The following ADAMTS14 variants were observed in gnomAD, a reference collection of about 807,000 sequenced individuals.
The protein encoded by ADAMTS14 is ADAM metallopeptidase with thrombospondin type 1 motif 14, also known as A disintegrin and metalloproteinase with thrombospondin motifs 14.
In ADAMTS14, 100 loss-of-function variants were observed where a neutral mutation model predicts 128.6. The observed-to-expected ratio is 0.78, with a 90% CI of 0.66 to 0.92. The LOEUF is 0.92. Ranked by LOEUF, ADAMTS14 falls within the 40% of genes least tolerant of loss-of-function variation. The pLI, the probability that ADAMTS14 is intolerant of heterozygous loss-of-function variation, is 0.00. For missense variants in ADAMTS14, 1,562 were observed against 1,658.6 expected, an observed-to-expected ratio of 0.94 and a Z score of 1.01; for synonymous variants, 665 against 653.8, an observed-to-expected ratio of 1.02 and a Z score of -0.26.
At chr10:70,755,511 A>T (rs1359143337) in intron 19 of ADAMTS14, among the ~76,000 whole-genome samples, 1 of 152,152 alleles carries the variant, frequency 6.6e-6, no homozygotes, top group Non-Finnish European at 1.5e-5. Context: ...TTGTACAACA[A>T]TGGGAATGTG....
Position 70,761,208 on chromosome 10 carries a change from T to C in ADAMTS14, c.*355T>C. The C allele has an allele frequency of 4.8e-6, 1 of 209,860 alleles. No homozygotes were observed. Among genetic ancestry groups the C allele is most frequent in the Non-Finnish European group, 9.5e-6 (1 of 104,806 alleles). The allele number at this position is 209,860 out of a possible 1,614,324, so 13.0% of individuals were successfully genotyped here. A position where few individuals can be genotyped will look rare whatever the true frequency, so the allele number is the denominator to read the frequency against. On this transcript the variant is annotated 3_prime_UTR_variant, in exon 22 of 22. Transcript: ENST00000373207. The stretch of plus-strand genomic sequence containing the variant: ...CCGGCTGGTCTGTAGCTAGAAGCTG[T>C]CAGGGCTGCCTGCCTTCCCGGAACT...
At chr10:70,743,428 G>A in intron 12 of ADAMTS14, 120 bp from the exon 13 acceptor site, 1 of 1,249,150 alleles carries the variant, frequency 8.0e-7, no homozygotes, top group Non-Finnish European at 1.1e-6. Context: ...GCCACACCCA[G>A]TGCTCCCCCA....
At chr10:70,676,704 C>T (rs893686898) in intron 2 of ADAMTS14, among the ~76,000 whole-genome samples, 1 of 152,258 alleles carries the variant, frequency 6.6e-6, no homozygotes, top group Non-Finnish European at 1.5e-5. Context: ...CCCACTCTGG[C>T]TCTGCGGCTC....
intron 2 of ADAMTS14, among the ~76,000 whole-genome samples, chr10:70,699,652 T>C (rs575611486): frequency 6.6e-6 from 1 of 152,192 alleles, no homozygotes; most frequent in Non-Finnish European, 1.5e-5. Flanking sequence ...TTCTGGAAAC[T>C]GTATCCCTCA....
intron 4 of ADAMTS14, among the ~76,000 whole-genome samples, chr10:70,712,092 A>G (rs2132623034): frequency 6.6e-6 from 1 of 152,250 alleles, no homozygotes; most frequent in South Asian, 2.1e-4. Context: ...ATGAATCTGA[A>G]CACACCCACC....
intron 16 of ADAMTS14, 26 bp downstream of exon 16, chr10:70,750,011 A>C (rs2132735829): frequency 6.2e-7 from 1 of 1,606,192 alleles, no homozygotes. Context: ...TGCGGTGGCA[A>C]CCCCTGCCCA....
At chr10:70,691,241 C>G in intron 2 of ADAMTS14, among the ~76,000 whole-genome samples, 1 of 143,670 alleles carries the variant, frequency 7.0e-6, no homozygotes, top group East Asian at 2.0e-4. Flanking sequence ...CACCTGTAAT[C>G]CTAGCACTTT....
chr10:70,760,342 C>T lies in ADAMTS14; in HGVS notation c.3179-18C>T, dbSNP rs759246129. The stretch of plus-strand genomic sequence containing the variant: ...TCCCCACGTTGCTTCCATCCTTGTC[C>T]TTGTGCTGTGTGTGCAGCGGAGCCC... On this transcript the variant is annotated intron_variant, in intron 21 of 21. Coordinates refer to ENST00000373207, the MANE Select transcript of ADAMTS14 (RefSeq NM_080722.4). The T allele has an allele frequency of 6.5e-7, 1 of 1,531,718 alleles. No individual in the cohort carries two copies. The highest frequency in any genetic ancestry group is 8.8e-7 in the Non-Finnish European group (1 of 1,140,112). The allele number at this position is 1,531,718 out of a possible 1,614,324, so 94.9% of individuals were successfully genotyped here.
intron 4 of ADAMTS14, among the ~76,000 whole-genome samples, chr10:70,722,664 CCCCAAA>C (rs1408667214): frequency 2.0e-5 from 3 of 152,156 alleles, no homozygotes; most frequent in African/African-American, 7.2e-5. Context: ...TACCCCAAAT[CCCCAAA>C]CCATGGGGGT....
intron 2 of ADAMTS14, among the ~76,000 whole-genome samples, chr10:70,688,942 T>G: frequency 7.1e-6 from 1 of 140,778 alleles, no homozygotes; most frequent in South Asian, 2.4e-4. Context: ...ATTTACACCT[T>G]TGGTCTGTCC....
chr10:70,715,438 TCAGCGAGGCCCCTTC>T lies in ADAMTS14; in HGVS notation c.870+6664_870+6678del, dbSNP rs1841007978. Among the ~76,000 whole-genome samples the T allele has an allele frequency of 2.0e-5, 3 of 152,208 alleles. No homozygotes were observed. The South Asian group carries it at 6.2e-4, about 32-fold the overall frequency. On this transcript the variant is annotated intron_variant, in intron 4 of 21. Transcript: ENST00000373207. ...CATGGTTTCTGGGCACTGTGTGCCC[TCAGCGAGGCCCCTTC>T]CAGACCCACTGAGTGGCCTGGTCTG...
Position 70,672,787 on chromosome 10 carries a change from G to C in ADAMTS14, c.-16G>C. The C allele has an allele frequency of 6.7e-7, 1 of 1,498,496 alleles. No individual in the cohort carries two copies. Among genetic ancestry groups the C allele is most frequent in the Non-Finnish European group, 8.9e-7 (1 of 1,128,306 alleles). The allele number at this position is 1,498,496 out of a possible 1,614,324, so 92.8% of individuals were successfully genotyped here. A position where few individuals can be genotyped will look rare whatever the true frequency, so the allele number is the denominator to read the frequency against. ...GGGATCGGGCGCTTGCCCAGCCCGC[G>C]TCCCAGCGCGGCCACATGGCTCCAC... On this transcript the variant is annotated 5_prime_UTR_variant, in exon 1 of 22. Coordinates refer to ENST00000373207, the MANE Select transcript of ADAMTS14 (RefSeq NM_080722.4).
chr10:70,710,979 G>A (rs1462730665), intron 4 of ADAMTS14, among the ~76,000 whole-genome samples: 1 of 152,194 alleles, frequency 6.6e-6, no homozygotes, highest in Non-Finnish European at 1.5e-5. Context: ...GTGGTCACTA[G>A]GGGGACAGCC....
chr10:70,752,013 C>A, intron 17 of ADAMTS14, 82 bp from the exon 18 acceptor site: 2 of 1,543,212 alleles, frequency 1.3e-6, no homozygotes, highest in East Asian at 2.3e-5. Flanking sequence ...CAAGGCTCTC[C>A]ACAGGTACTG....
chr10:70,725,030 A>G (rs1841384722), intron 4 of ADAMTS14, among the ~76,000 whole-genome samples: 1 of 150,906 alleles, frequency 6.6e-6, no homozygotes. Flanking sequence ...TCATTTCATC[A>G]TGGTCCTTAA....
intron 14 of ADAMTS14, among the ~76,000 whole-genome samples, chr10:70,744,885 G>A (rs1018616307): frequency 3.9e-5 from 6 of 152,070 alleles, no homozygotes; most frequent in Non-Finnish European, 7.3e-5. Flanking sequence ...AGTAGCTTAA[G>A]GTGTGAGAAG....
chr10:70,675,042 C>T, intron 2 of ADAMTS14, 47 bp downstream of exon 2: 2 of 1,586,594 alleles, frequency 1.3e-6, no homozygotes, highest in Non-Finnish European at 8.6e-7. Context: ...CCTCCCATGC[C>T]CTGCTCACAT....
intron 3 of ADAMTS14, among the ~76,000 whole-genome samples, chr10:70,704,862 A>G (rs919838798): frequency 6.6e-6 from 1 of 151,926 alleles, no homozygotes; most frequent in Non-Finnish European, 1.5e-5. Context: ...ACAAGCACAC[A>G]CCCGTACACC....
intron 3 of ADAMTS14, 99 bp from the exon 4 acceptor site, chr10:70,708,488 AG>A: frequency 2.9e-6 from 3 of 1,043,782 alleles, no homozygotes; most frequent in Non-Finnish European, 4.2e-6. Flanking sequence ...AGGCAGGGAA[AG>A]GGGCACCAGT....
Sources: allele counts gnomAD v4.1 joint callset (sites outside exome capture counted in the v4.1 genomes callset), GRCh38; gene constraint gnomAD v4.1.1; transcripts MANE v1.5; gene names NCBI Gene and HGNC (gene_info 2026-07-23, HGNC 2026-07-21).